ZGRF1: variants seen among roughly 807,000 people sequenced by gnomAD.
ZGRF1 encodes the protein zinc finger GRF-type containing 1.
A neutral mutation model predicts 203.5 loss-of-function variants in ZGRF1; 196 were observed. That is an observed-to-expected ratio of 0.96 (90% confidence interval 0.86 to 1.08). The LOEUF (loss-of-function observed/expected upper bound fraction) is 1.08, where lower values mean the gene tolerates loss of function less well. Among genes scored for constraint, ZGRF1 ranks in the 50% least tolerant of loss-of-function variants. ZGRF1 has a pLI of 0.00. For missense variants in ZGRF1, 2,326 were observed against 2,416.3 expected (o/e 0.96, Z 0.78); for synonymous variants, 809 against 841.3 (o/e 0.96, Z 0.66).
chr4:112,618,919 C>G lies in ZGRF1; in HGVS notation c.1123G>C (p.Val375Leu). The change falls in exon 6 of 28, where the codon GTT becomes CTT. Residue 375 changes from valine (V) to leucine (L), a missense_variant. By Grantham distance (32) the Val-to-Leu change is conservative. Coordinates refer to ENST00000505019, the MANE Select transcript of ZGRF1 (RefSeq NM_018392.5). Reference sequence around the variant, plus strand: ...TTCCTCTCTTCAGCATACGTTTCAACGAACTGTATAATTTTTTGTAATGAA... The same window carrying G: ...TTCCTCTCTTCAGCATACGTTTCAAGGAACTGTATAATTTTTTGTAATGAA... Reference protein sequence around the residue: ...DLSLQKIIQFVETYAEERKKY... With the variant: ...DLSLQKIIQFLETYAEERKKY... 1.2e-6 allele frequency: 2 copies of G among 1,613,858 alleles called. No individual in the cohort carries two copies. Among genetic ancestry groups the G allele is most frequent in the Non-Finnish European group, 1.7e-6 (2 of 1,179,880 alleles).
At chr4:112,623,576 C>G (rs1433976646) in intron 4 of ZGRF1, among the ~76,000 whole-genome samples, 1 of 152,142 alleles carries the variant, frequency 6.6e-6, no homozygotes, top group Non-Finnish European at 1.5e-5. Flanking sequence ...AAGCAAGTTA[C>G]TTAACCTTTC....
At position 112,619,344 on chromosome 4, in the gene ZGRF1, A is replaced by T. The variant is rs922736883; in HGVS notation, c.698T>A (p.Val233Glu). ...GTGAGATGCCAAACTATCTCTTTTC[A>T]CAGGCTCATTGGTCAGTAAAGAGTC... ...LSDSLLTNEP[V>E]KRDSLASHYS... Residue 233 changes from valine (V) to glutamate (E), a missense_variant, in exon 6 of 28, where the codon GTG (valine) becomes GAG (glutamate). Transcript: ENST00000505019. 2 of 1,612,562 alleles carry T rather than the reference A, an allele frequency of 1.2e-6. No individual in the cohort carries two copies. The highest frequency in any genetic ancestry group is 1.7e-5 in the Admixed American group (1 of 59,818).
intron 24 of ZGRF1, among the ~76,000 whole-genome samples, 181 bp downstream of exon 24, chr4:112,547,104 G>C (rs576893111): frequency 6.6e-6 from 1 of 152,004 alleles, no homozygotes; most frequent in African/African-American, 2.4e-5. Context: ...TTTATAAAAG[G>C]GCACTTAAAT....
chr4:112,632,827 C>T (rs973037271), intron 2 of ZGRF1, among the ~76,000 whole-genome samples: 5 of 152,126 alleles, frequency 3.3e-5, no homozygotes, highest in African/African-American at 9.7e-5. Flanking sequence ...AATTGTTTCC[C>T]GGTCTCACAC....
rs904265759 is a variant in ZGRF1, at chr4:112,603,044, T to A, written c.2976+480A>T. On this transcript the variant is annotated intron_variant, in intron 10 of 27. Transcript: ENST00000505019. ...TCTTTATTTCTTCTCATATGTATTA[T>A]GCTTTGACAAAAAGGGAAATTTAAA... Among the ~76,000 whole-genome samples the A allele has an allele frequency of 3.3e-5, 5 of 152,022 alleles. No homozygotes were observed. The Admixed American group carries it at 3.3e-4, about 10-fold the overall frequency.
At chr4:112,552,205 A>T (rs1740098332) in intron 22 of ZGRF1, among the ~76,000 whole-genome samples, 1 of 151,382 alleles carries the variant, frequency 6.6e-6, no homozygotes, top group Non-Finnish European at 1.5e-5. Context: ...TTGAACCAAG[A>T]GGTGGAGGTT....
intron 10 of ZGRF1, among the ~76,000 whole-genome samples, chr4:112,591,286 T>C (rs1197630333): frequency 6.6e-6 from 1 of 152,146 alleles, no homozygotes; most frequent in African/African-American, 2.4e-5. Context: ...TAAATTTGCT[T>C]AATTCATCAA....
chr4:112,614,543 A>G (rs1330522466), intron 6 of ZGRF1, among the ~76,000 whole-genome samples: 1 of 152,254 alleles, frequency 6.6e-6, no homozygotes, highest in East Asian at 1.9e-4. Context: ...AATGTCCCCA[A>G]AGGGGCCAGG....
intron 22 of ZGRF1, among the ~76,000 whole-genome samples, chr4:112,551,280 G>A (rs562414589): frequency 6.6e-6 from 1 of 152,148 alleles, no homozygotes; most frequent in Non-Finnish European, 1.5e-5. Flanking sequence ...ATCTAGGTTT[G>A]TGTAAGTACA....
chr4:112,603,744 C>T (rs1560841361), intron 9 of ZGRF1, 47 bp from the exon 10 acceptor site: 1 of 1,395,888 alleles, frequency 7.2e-7, no homozygotes. Context: ...TATATGTTGA[C>T]ATATATATTC....
At chr4:112,596,813 G>C (rs1305551740) in intron 10 of ZGRF1, among the ~76,000 whole-genome samples, 1 of 152,028 alleles carries the variant, frequency 6.6e-6, no homozygotes, top group Admixed American at 6.6e-5. Flanking sequence ...GGATGGTCTC[G>C]AACTCCTGAG....
chr4:112,585,449 C>T (rs1261768634), intron 14 of ZGRF1, 92 bp downstream of exon 14: 13 of 950,842 alleles, frequency 1.4e-5, no homozygotes, highest in Non-Finnish European at 1.9e-5. Flanking sequence ...TTAATCAAGA[C>T]TCACTCTTTA....
rs767173542 is a variant in ZGRF1, at chr4:112,618,401, CTG to C, written c.1639_1640del (p.Gln547GlyfsTer19). 13 of 1,613,850 alleles carry C rather than the reference CTG, an allele frequency of 8.1e-6. No individual in the cohort carries two copies. The Admixed American group carries it at 1.3e-4, about 17-fold the overall frequency. On this transcript the variant is annotated frameshift_variant, in exon 6 of 28. Coordinates refer to ENST00000505019, the MANE Select transcript of ZGRF1 (RefSeq NM_018392.5). LOFTEE classifies it high-confidence loss of function. ...FETSDTEEES[Q>X]ESNKISQDSE... is the part of the protein sequence containing the mutation. ...AATCCTGGGAAATTTTGTTGCTTTC[CTG>C]TGATTCCTCCTCAGTGTCACTGGTC...
chr4:112,624,664 G>C (rs912500474), intron 3 of ZGRF1, among the ~76,000 whole-genome samples: 1 of 151,206 alleles, frequency 6.6e-6, no homozygotes, highest in Non-Finnish European at 1.5e-5. Context: ...TGAGGGGTAA[G>C]GGGGGAAAAA....
chr4:112,629,460 C>T (rs577818015), intron 3 of ZGRF1, among the ~76,000 whole-genome samples: 5 of 152,248 alleles, frequency 3.3e-5, no homozygotes, highest in African/African-American at 1.2e-4. Context: ...GGCTTGAGCT[C>T]AGGAGTTTGA....
At chr4:112,634,113 G>A (rs1003343479) in intron 1 of ZGRF1, among the ~76,000 whole-genome samples, 7 of 152,116 alleles carry the variant, frequency 4.6e-5, no homozygotes, top group Non-Finnish European at 8.8e-5. Context: ...TTATTTATAA[G>A]TTACATATAT....
intron 22 of ZGRF1, among the ~76,000 whole-genome samples, chr4:112,550,520 A>C (rs961319608): frequency 6.6e-6 from 1 of 152,214 alleles, no homozygotes; most frequent in Non-Finnish European, 1.5e-5. Flanking sequence ...AAAAAATTTT[A>C]AAATAAATTT....
rs746496103 is a variant in ZGRF1, at chr4:112,585,691, T to C, written c.3951A>G (p.Gln1317=). Reference sequence around the variant, plus strand: ...CTTTTGAAAGAGCTTTCTGCAGGTTTTGTGCTAACCCAAACAGCAATATAT... The same window carrying C: ...CTTTTGAAAGAGCTTTCTGCAGGTTCTGTGCTAACCCAAACAGCAATATAT... ...HLNILLFGLA[Q]NLQKALSKVD... The change falls in exon 14 of 28, where the codon CAA becomes CAG. Residue 1317 remains glutamine (Q), a synonymous_variant. Transcript: ENST00000505019. 1.0e-5 allele frequency: 16 copies of C among 1,606,540 alleles called. No individual in the cohort carries two copies. The highest frequency in any genetic ancestry group is 4.2e-6 in the Non-Finnish European group (5 of 1,176,874).
At chr4:112,587,211 A>G in intron 12 of ZGRF1, 69 bp downstream of exon 12, 4 of 1,442,270 alleles carry the variant, frequency 2.8e-6, no homozygotes, top group Non-Finnish European at 3.7e-6. Context: ...ATATTTTGGT[A>G]ATTCTTTTGT....
Sources: gnomAD v4.1 joint callset for allele counts (sites outside exome capture counted in the v4.1 genomes callset) on GRCh38, gnomAD v4.1.1 for gene constraint, MANE v1.5 for transcripts, NCBI Gene and HGNC (gene_info 2026-07-23, HGNC 2026-07-21) for gene names.